PCDH9: variants seen among roughly 807,000 people sequenced by gnomAD.
PCDH9 encodes the protein protocadherin 9, also known as protocadherin-9.
A neutral mutation model predicts 70.6 loss-of-function variants in PCDH9; 24 were observed. The ratio of observed to expected loss-of-function variants is 0.34; its 90% CI spans 0.25 to 0.48. The LOEUF is 0.48. Among genes scored for constraint, PCDH9 ranks in the 20% least tolerant of loss-of-function variants. PCDH9 has a pLI of 0.99. For synonymous variants in PCDH9, 562 were observed against 558.5 expected (o/e 1.01, Z -0.09); for missense variants, 1,281 against 1,503.6 (o/e 0.85, Z 2.45).
intron 3 of PCDH9, among the ~76,000 whole-genome samples, chr13:66,670,450 G>A (rs564399047): frequency 2.0e-5 from 3 of 152,182 alleles, no homozygotes; most frequent in African/African-American, 7.2e-5. Flanking sequence ...AAAGCTGTAT[G>A]GACATCATCA....
chr13:66,726,164 A>G (rs2079002837), intron 3 of PCDH9, among the ~76,000 whole-genome samples: 2 of 152,164 alleles, frequency 1.3e-5, no homozygotes, highest in African/African-American at 2.4e-5. Flanking sequence ...AGACATACAC[A>G]TTCCTACATT....
chr13:66,790,099 A>G (rs1386036901), intron 3 of PCDH9, among the ~76,000 whole-genome samples: 1 of 152,190 alleles, frequency 6.6e-6, no homozygotes, highest in Non-Finnish European at 1.5e-5. Context: ...CTGAAGCCAC[A>G]TGCAGACCAC....
At chr13:66,548,112 T>C (rs9540806) in intron 4 of PCDH9, among the ~76,000 whole-genome samples, 37,794 of 151,366 alleles carry the variant, frequency 0.25, 4,953 homozygotes, top group South Asian at 0.34. Flanking sequence ...TAATAAGTTG[T>C]GGTATGCCAA....
chr13:66,748,335 T>G (rs2079404966), intron 3 of PCDH9, among the ~76,000 whole-genome samples: 1 of 152,222 alleles, frequency 6.6e-6, no homozygotes, highest in Admixed American at 6.5e-5. Context: ...TGCTGTTTTA[T>G]GCATTTGTCA....
intron 2 of PCDH9, among the ~76,000 whole-genome samples, chr13:67,171,933 C>T (rs1265295348): frequency 1.3e-5 from 2 of 152,156 alleles, no homozygotes; most frequent in Non-Finnish European, 1.5e-5. Context: ...TGCCTTACAT[C>T]GCCTGCTCTC....
intron 2 of PCDH9, among the ~76,000 whole-genome samples, chr13:66,953,216 T>TA (rs5804304): frequency 0.22 from 34,063 of 151,486 alleles, 4,336 homozygotes; most frequent in East Asian, 0.63. Context: ...GTTCCACATG[T>TA]AAAAAAAAAT....
intron 2 of PCDH9, among the ~76,000 whole-genome samples, chr13:66,978,926 T>C (rs1467595998): frequency 6.6e-6 from 1 of 151,730 alleles, no homozygotes; most frequent in East Asian, 1.9e-4. Flanking sequence ...GTTACATAGA[T>C]ATATATGTAC....
In PCDH9 at chr13:66,697,279, TC is replaced by T. The variant is rs1017192604; in HGVS notation, c.3139-65869del. On this transcript the variant is annotated intron_variant, in intron 3 of 4. Transcript: ENST00000377865. Reference sequence around the variant, plus strand: ...TAAATCATTTTTTAAAATTTATTTCTCCCCCCCCAAAAAATATTGCAGTTGA... The same window carrying T: ...TAAATCATTTTTTAAAATTTATTTCTCCCCCCCAAAAAATATTGCAGTTGA... Among the ~76,000 whole-genome samples, 355 of 150,998 alleles carry T rather than the reference TC, an allele frequency of 2.4e-3. 2 individuals are homozygous for T. The highest frequency in any genetic ancestry group is 7.6e-3 in the African/African-American group (313 of 41,168).
At chr13:66,545,989 C>T (rs1157738618) in intron 4 of PCDH9, among the ~76,000 whole-genome samples, 1 of 151,734 alleles carries the variant, frequency 6.6e-6, no homozygotes, top group Non-Finnish European at 1.5e-5. Context: ...GCACCCACCA[C>T]CATGTCTGGC....
At chr13:67,085,891 G>A (rs957958366) in intron 2 of PCDH9, among the ~76,000 whole-genome samples, 2 of 152,080 alleles carry the variant, frequency 1.3e-5, no homozygotes, top group African/African-American at 2.4e-5. Flanking sequence ...TTATACATGC[G>A]AATAGGTAAT....
At chr13:66,714,452 A>G (rs1217682003) in intron 3 of PCDH9, among the ~76,000 whole-genome samples, 1 of 151,552 alleles carries the variant, frequency 6.6e-6, no homozygotes, top group African/African-American at 2.4e-5. Flanking sequence ...TGACAGAGCA[A>G]GACTCCGTCT....
At chr13:66,582,767 G>C (rs566478388) in intron 4 of PCDH9, among the ~76,000 whole-genome samples, 1 of 152,278 alleles carries the variant, frequency 6.6e-6, no homozygotes, top group East Asian at 1.9e-4. Flanking sequence ...TACATTCAGT[G>C]TAATTACTTT....
intron 4 of PCDH9, among the ~76,000 whole-genome samples, chr13:66,418,479 A>C (rs1051341399): frequency 1.3e-5 from 2 of 152,174 alleles, no homozygotes; most frequent in African/African-American, 2.4e-5. Context: ...TGTCTTGGCT[A>C]TATGGGCTCT....
intron 2 of PCDH9, among the ~76,000 whole-genome samples, chr13:67,053,228 G>A (rs934793354): frequency 7.9e-5 from 12 of 152,236 alleles, no homozygotes; most frequent in African/African-American, 2.9e-4. Flanking sequence ...ATTTGTAGCA[G>A]AGCTTTGTCC....
intron 3 of PCDH9, among the ~76,000 whole-genome samples, chr13:66,677,657 C>T (rs953562326): frequency 6.6e-6 from 1 of 152,056 alleles, no homozygotes; most frequent in Non-Finnish European, 1.5e-5. Flanking sequence ...TCCATTTGCT[C>T]CTGCTTTCAT....
chr13:67,115,314 A>G (rs558570205), intron 2 of PCDH9, among the ~76,000 whole-genome samples: 1 of 152,338 alleles, frequency 6.6e-6, no homozygotes, highest in South Asian at 2.1e-4. Context: ...CTTTGTGAAC[A>G]GCAGGCCTCG....
intron 2 of PCDH9, among the ~76,000 whole-genome samples, chr13:66,952,365 A>G: frequency 1.3e-5 from 2 of 152,216 alleles, no homozygotes; most frequent in South Asian, 2.1e-4. Context: ...CTTCACAGAC[A>G]TGTCTTAAAA....
chr13:67,082,719 A>G (rs1057049374), intron 2 of PCDH9, among the ~76,000 whole-genome samples: 1 of 152,166 alleles, frequency 6.6e-6, no homozygotes, highest in Non-Finnish European at 1.5e-5. Context: ...TTTCTTAAAA[A>G]ACATTTGAGA....
intron 4 of PCDH9, chr13:66,306,082 GAAGTT>G (rs1490545918): frequency 6.6e-6 from 1 of 151,926 alleles, no homozygotes; most frequent in Non-Finnish European, 1.5e-5. Context: ...TTTTACAAAT[GAAGTT>G]AAGTGGATAC....
Sources: allele counts gnomAD v4.1 joint callset (sites outside exome capture counted in the v4.1 genomes callset), GRCh38; gene constraint gnomAD v4.1.1; transcripts MANE v1.5; gene names NCBI Gene and HGNC (gene_info 2026-07-23, HGNC 2026-07-21).